The following NACC1 variants were observed in gnomAD, a reference collection of about 807,000 sequenced individuals.
NACC1 encodes the protein nucleus accumbens-associated protein 1.
NACC1 carries 6 observed loss-of-function variants against 41.7 expected under a neutral mutation model. The observed-to-expected ratio is 0.14, with a 90% confidence interval of 0.08 to 0.28. The LOEUF is 0.28. Ranked by LOEUF, NACC1 falls within the 10% of genes least tolerant of loss-of-function variation. The pLI is 1.00. For synonymous variants in NACC1, 338 were observed against 330.6 expected (o/e 1.02, Z -0.24); for missense variants, 434 against 763.7 (o/e 0.57, Z 5.09).
Position 13,137,048 on chromosome 19 carries a change from T to C in NACC1, c.1121-223T>C, listed in dbSNP as rs755066635. 1.3e-5 allele frequency among the ~76,000 whole-genome samples: 2 copies of C among 152,156 alleles called. No individual in the cohort carries two copies. The highest frequency in any genetic ancestry group is 2.9e-5 in the Non-Finnish European group (2 of 68,016). ...CCCCGAGGATGGTGAAGCAACCCTT[T>C]CTGTCCTTTCCTGAGCACTGATGAG... On this transcript the variant is annotated intron_variant, in intron 3 of 5. Transcript: ENST00000292431. This position sits in a 1 kb window ranked among gnomAD's most constrained non-coding sequence, Gnocchi z 6.1.
intron 1 of NACC1, among the ~76,000 whole-genome samples, chr19:13,119,513 T>A (rs1372405073): frequency 6.6e-6 from 1 of 152,140 alleles, no homozygotes; most frequent in Non-Finnish European, 1.5e-5. Flanking sequence ...CTGCATTCTT[T>A]CTCTACCTTT....
chr19:13,131,716 A>T (rs2145620062), intron 1 of NACC1: 1 of 152,282 alleles, frequency 6.6e-6, no homozygotes, highest in African/African-American at 2.4e-5. Context: ...AGTGATTTTG[A>T]GGAGGGGAAG....
Position 13,136,228 on chromosome 19 carries a change from G to A in NACC1, c.947-4G>A, listed in dbSNP as rs1489079985. 1.9e-6 allele frequency: 3 copies of A among 1,610,446 alleles called. No individual in the cohort carries two copies. Among genetic ancestry groups the A allele is most frequent in the African/African-American group, 1.3e-5 (1 of 74,868 alleles). On this transcript the variant is annotated splice_region_variant and splice_polypyrimidine_tract_variant and intron_variant, in intron 2 of 5. Coordinates refer to ENST00000292431, the MANE Select transcript of NACC1 (RefSeq NM_052876.4). The surrounding 1 kb of genome is among the most constrained non-coding windows in gnomAD (Gnocchi z 5.5). The stretch of plus-strand genomic sequence containing the variant: ...GCCACTCGCGTGCCACTCTCTCCCT[G>A]CAGCCGAGAAGGTGGAGGCCCTCCC...
Position 13,138,446 on chromosome 19 carries a change from AACAC to A in NACC1, c.*51_*54del. On this transcript the variant is annotated 3_prime_UTR_variant, in exon 6 of 6. Coordinates refer to ENST00000292431, the MANE Select transcript of NACC1 (RefSeq NM_052876.4). This position sits in a 1 kb window ranked among gnomAD's most constrained non-coding sequence, Gnocchi z 5.7. Reference sequence around the variant, plus strand: ...CGCGGGGCCACACACTTCCCCTCCCAACACACACACACACCTGCCATCTTGGTCA... The same window carrying A: ...CGCGGGGCCACACACTTCCCCTCCCAACACACACACCTGCCATCTTGGTCA... The A allele has an allele frequency of 6.9e-7, 1 of 1,455,932 alleles. No homozygotes were observed. 90.2% of individuals were successfully genotyped at this position (1,455,932 alleles called of 1,614,324 possible). A position where few individuals can be genotyped will look rare whatever the true frequency, so the allele number is the denominator to read the frequency against.
At chr19:13,129,326 C>T (rs1599990921) in intron 1 of NACC1, among the ~76,000 whole-genome samples, 2 of 152,146 alleles carry the variant, frequency 1.3e-5, no homozygotes, top group South Asian at 4.1e-4. Context: ...GACCTGCCAG[C>T]GAGAGACCCG....
intron 1 of NACC1, among the ~76,000 whole-genome samples, chr19:13,126,759 G>A (rs1032559329): frequency 3.3e-5 from 5 of 152,246 alleles, no homozygotes; most frequent in East Asian, 3.9e-4. Context: ...TTTGAGCCAC[G>A]TTAATGTGGA....
chr19:13,127,950 A>G (rs2019586566), intron 1 of NACC1, among the ~76,000 whole-genome samples: 2 of 152,324 alleles, frequency 1.3e-5, no homozygotes, highest in South Asian at 4.1e-4. Context: ...AAGCAGGGCC[A>G]GACTGCCAGG....
chr19:13,117,354 T>A (rs2019400352), upstream of NACC1: 1 of 152,194 alleles, frequency 6.6e-6, no homozygotes, highest in Non-Finnish European at 1.5e-5. Flanking sequence ...TTTTACCATT[T>A]GTTACTGGGT....
chr19:13,130,816 G>T (rs4926209), intron 1 of NACC1, among the ~76,000 whole-genome samples: 27,289 of 152,024 alleles, frequency 0.18, 2,709 homozygotes, highest in Non-Finnish European at 0.19. Flanking sequence ...GATTACAGGC[G>T]TGAGCCACCG....
At position 13,137,961 on chromosome 19, in the gene NACC1, A is replaced by G. The variant is rs1049397136; in HGVS notation, c.1325-186A>G. ...GGGGCCATCCCATCAAAACCAACAC[A>G]TCCCCACACATGGCTGAACTCAGTC... On this transcript the variant is annotated intron_variant, in intron 5 of 5. Coordinates refer to ENST00000292431, the MANE Select transcript of NACC1 (RefSeq NM_052876.4). The surrounding 1 kb of genome is among the most constrained non-coding windows in gnomAD (Gnocchi z 6.1). Among the ~76,000 whole-genome samples the G allele has an allele frequency of 6.6e-6, 1 of 152,232 alleles. No individual in the cohort carries two copies. The highest frequency in any genetic ancestry group is 1.5e-5 in the Non-Finnish European group (1 of 68,036).
chr19:13,124,164 T>G (rs1035864026), intron 1 of NACC1, among the ~76,000 whole-genome samples: 1 of 152,246 alleles, frequency 6.6e-6, no homozygotes, highest in Non-Finnish European at 1.5e-5. Context: ...TTTGGGAGGC[T>G]GAGGTGGGCG....
intron 1 of NACC1, among the ~76,000 whole-genome samples, chr19:13,125,408 C>T (rs1023455587): frequency 2.4e-5 from 3 of 125,700 alleles, no homozygotes; most frequent in Non-Finnish European, 3.2e-5. Flanking sequence ...TCCCGAAGGC[C>T]CCACTTTTTT....
chr19:13,127,090 A>G (rs2019571901), intron 1 of NACC1, among the ~76,000 whole-genome samples: 1 of 151,914 alleles, frequency 6.6e-6, no homozygotes, highest in Non-Finnish European at 1.5e-5. Context: ...AAATGCACAA[A>G]TAAATAATTT....
At chr19:13,119,222 A>G (rs1005098278) in intron 1 of NACC1, among the ~76,000 whole-genome samples, 1 of 151,808 alleles carries the variant, frequency 6.6e-6, no homozygotes, top group Non-Finnish European at 1.5e-5. Flanking sequence ...GAAGGTATAT[A>G]CTAAGATGCG....
intron 1 of NACC1, among the ~76,000 whole-genome samples, chr19:13,128,582 AG>A (rs2019593975): frequency 6.6e-6 from 1 of 152,188 alleles, no homozygotes; most frequent in Admixed American, 6.5e-5. Context: ...CCTTTCTGGA[AG>A]GGCCACACTC....
At chr19:13,122,728 G>A (rs1301653940) in intron 1 of NACC1, among the ~76,000 whole-genome samples, 2 of 152,168 alleles carry the variant, frequency 1.3e-5, no homozygotes, top group Non-Finnish European at 2.9e-5. Flanking sequence ...GTGCTGTGAA[G>A]GCTCTGGGGA....
At position 13,138,552 on chromosome 19, in the gene NACC1, C is replaced by G; in HGVS notation, c.*146C>G. On this transcript the variant is annotated 3_prime_UTR_variant, in exon 6 of 6. Transcript: ENST00000292431. This position sits in a 1 kb window ranked among gnomAD's most constrained non-coding sequence, Gnocchi z 5.7. Reference sequence around the variant, plus strand: ...CGGCCCTCTGCCCCTCCTGTCCTACCCCCTTTCCCCACCGAGAGCTGGGCC... The same window carrying G: ...CGGCCCTCTGCCCCTCCTGTCCTACGCCCTTTCCCCACCGAGAGCTGGGCC... 8.1e-7 allele frequency: 1 copy of G among 1,237,378 alleles called. No homozygotes were observed. Among genetic ancestry groups the G allele is most frequent in the South Asian group, 1.5e-5 (1 of 67,006 alleles). The allele number at this position is 1,237,378 out of a possible 1,614,324, so 76.6% of individuals were successfully genotyped here.
At chr19:13,122,349 C>T (rs1425689431) in intron 1 of NACC1, among the ~76,000 whole-genome samples, 2 of 152,078 alleles carry the variant, frequency 1.3e-5, no homozygotes, top group African/African-American at 2.4e-5. Context: ...TTAGCACCAC[C>T]CCTGTCTCAG....
chr19:13,122,524 G>C (rs1242042915), intron 1 of NACC1, among the ~76,000 whole-genome samples: 4 of 32,510 alleles, frequency 1.2e-4, no homozygotes, highest in African/African-American at 3.1e-4. Flanking sequence ...TGCCCCTGCC[G>C]GGGGGGGGGG....
Sources: allele counts gnomAD v4.1 joint callset (sites outside exome capture counted in the v4.1 genomes callset), GRCh38; gene constraint gnomAD v4.1.1; non-coding constraint Gnocchi (gnomAD v3.1); transcripts MANE v1.5; gene names NCBI Gene and HGNC (gene_info 2026-07-23, HGNC 2026-07-21).